Variants in PVT1 observed in about 807,000 individuals in gnomAD.
The protein encoded by PVT1 is Pvt1 oncogene.
chr8:127,877,959 C>T (rs147859070), intron 2 of PVT1, among the ~76,000 whole-genome samples: 58 of 152,094 alleles, frequency 3.8e-4, no homozygotes, highest in African/African-American at 1.4e-3. Context: ...CCACAAAAAA[C>T]CTTACTGAAC....
At chr8:127,823,293 C>T (rs1814753223) in intron 2 of PVT1, among the ~76,000 whole-genome samples, 1 of 152,170 alleles carries the variant, frequency 6.6e-6, no homozygotes, top group South Asian at 2.1e-4. Context: ...CAGCCAACTT[C>T]ATATGGATGC....
intron 2 of PVT1, among the ~76,000 whole-genome samples, chr8:127,888,131 G>A (rs186287970): frequency 1.3e-4 from 20 of 151,562 alleles, no homozygotes; most frequent in South Asian, 1.0e-3. Flanking sequence ...TAGTAGAGAC[G>A]GGGTTTCACC....
chr8:127,865,048 C>A (rs1815272099), intron 2 of PVT1, among the ~76,000 whole-genome samples: 1 of 152,190 alleles, frequency 6.6e-6, no homozygotes, highest in South Asian at 2.1e-4. Flanking sequence ...TGCTTGAACA[C>A]CAGTGTTCCA....
At chr8:127,894,966 G>T (rs1004449043) in intron 3 of PVT1, among the ~76,000 whole-genome samples, 2 of 152,118 alleles carry the variant, frequency 1.3e-5, no homozygotes, top group East Asian at 3.8e-4. Flanking sequence ...ATCCCAGAAC[G>T]ATAGCACTTT....
chr8:127,981,473 C>T lies in PVT1; in HGVS notation n.783-7689C>T, dbSNP rs571511609. ...GCACAAGTCACCCAAGTGATCAGAA[C>T]GCTTTTACGGAAAACAATGGCTTTG... On this transcript the variant is annotated intron_variant and non_coding_transcript_variant, in intron 3 of 10. Transcript: ENST00000651587. Among the ~76,000 whole-genome samples, 5 of 152,270 alleles carry T rather than the reference C, an allele frequency of 3.3e-5. No homozygotes were observed. The South Asian group carries it at 6.2e-4, about 19-fold the overall frequency.
At chr8:127,945,627 G>A (rs1374443499) in intron 3 of PVT1, among the ~76,000 whole-genome samples, 1 of 152,094 alleles carries the variant, frequency 6.6e-6, no homozygotes, top group African/African-American at 2.4e-5. Flanking sequence ...AGGACACGCT[G>A]GTCTGGTCCA....
At position 127,900,882 on chromosome 8, in the gene PVT1, A is replaced by G. The variant is rs186482753; in HGVS notation, n.782+9884A>G. On this transcript the variant is annotated intron_variant and non_coding_transcript_variant, in intron 3 of 10. Transcript: ENST00000651587. ...GCAGGAGTGGGTGGTGTTCACCACTATATACCTCTGCCAGTCAGCATGCCC... is the reference window on the plus strand; with the variant it reads ...GCAGGAGTGGGTGGTGTTCACCACTGTATACCTCTGCCAGTCAGCATGCCC... Among the ~76,000 whole-genome samples the G allele has an allele frequency of 5.9e-5, 9 of 152,298 alleles. No homozygotes were observed. In the East Asian group the frequency reaches 1.7e-3, roughly 29 times the overall value.
chr8:127,884,714 G>A (rs1815505089), intron 2 of PVT1, among the ~76,000 whole-genome samples: 1 of 152,220 alleles, frequency 6.6e-6, no homozygotes, highest in Non-Finnish European at 1.5e-5. Context: ...GTAATCAGGA[G>A]AGAAAAGAAA....
At chr8:127,800,382 T>C (rs1586384930) in intron 2 of PVT1, among the ~76,000 whole-genome samples, 1 of 152,112 alleles carries the variant, frequency 6.6e-6, no homozygotes, top group East Asian at 1.9e-4. Flanking sequence ...TGTCACACAG[T>C]AGTGGGGCAG....
At chr8:127,909,670 T>C (rs1195312649) in intron 3 of PVT1, among the ~76,000 whole-genome samples, 1 of 151,914 alleles carries the variant, frequency 6.6e-6, no homozygotes, top group Non-Finnish European at 1.5e-5. Flanking sequence ...TCATGGGAGG[T>C]TAGTGCTGTC....
At chr8:127,903,555 T>C (rs779567724) in intron 3 of PVT1, among the ~76,000 whole-genome samples, 9 of 152,242 alleles carry the variant, frequency 5.9e-5, no homozygotes, top group Non-Finnish European at 8.8e-5. Flanking sequence ...AGGATTTTTA[T>C]AGTTTGAAGT....
At chr8:127,901,582 TA>T (rs1815759663) in intron 3 of PVT1, among the ~76,000 whole-genome samples, 1 of 152,218 alleles carries the variant, frequency 6.6e-6, no homozygotes, top group Non-Finnish European at 1.5e-5. Context: ...TTCTTTTTTT[TA>T]TTTTTCTTTT....
chr8:128,095,769 T>C (rs1356614302), intron 5 of PVT1, among the ~76,000 whole-genome samples: 1 of 152,252 alleles, frequency 6.6e-6, no homozygotes, highest in Non-Finnish European at 1.5e-5. Flanking sequence ...TTCCCTTGTT[T>C]GTTAGCGTTG....
intron 2 of PVT1, among the ~76,000 whole-genome samples, chr8:127,855,719 C>T (rs552109580): frequency 3.9e-5 from 6 of 152,334 alleles, no homozygotes; most frequent in East Asian, 3.9e-4. Flanking sequence ...CTCAGGACAG[C>T]GTTTCTCTTG....
intron 2 of PVT1, among the ~76,000 whole-genome samples, chr8:127,841,407 G>A (rs1814972382): frequency 6.6e-6 from 1 of 152,000 alleles, no homozygotes; most frequent in Non-Finnish European, 1.5e-5. Context: ...TCAAGTAGCT[G>A]GGATTACAGG....
At chr8:127,800,470 C>A (rs902594029) in intron 2 of PVT1, among the ~76,000 whole-genome samples, 1 of 152,150 alleles carries the variant, frequency 6.6e-6, no homozygotes, top group African/African-American at 2.4e-5. Flanking sequence ...GTCTCCCCGG[C>A]CCCACTGTGT....
chr8:127,953,719 C>T (rs1298373634), intron 3 of PVT1, among the ~76,000 whole-genome samples: 1 of 152,182 alleles, frequency 6.6e-6, no homozygotes, highest in Non-Finnish European at 1.5e-5. Flanking sequence ...GGAAGACATT[C>T]CCTTCTCCCT....
At chr8:127,921,185 C>T (rs1362412047) in intron 3 of PVT1, among the ~76,000 whole-genome samples, 3 of 152,142 alleles carry the variant, frequency 2.0e-5, no homozygotes, top group East Asian at 1.9e-4. Context: ...GAACCACACA[C>T]GCTTACTGAC....
intron 2 of PVT1, among the ~76,000 whole-genome samples, chr8:127,821,456 CA>C (rs1366681621): frequency 3.3e-5 from 5 of 152,066 alleles, no homozygotes; most frequent in East Asian, 1.9e-4. Context: ...TTAAATAAAA[CA>C]TTAAAAATGA....
Sources: gnomAD v4.1 joint callset for allele counts (sites outside exome capture counted in the v4.1 genomes callset) on GRCh38, gnomAD v4.1.1 for gene constraint, MANE v1.5 for transcripts, NCBI Gene and HGNC (gene_info 2026-07-23, HGNC 2026-07-21) for gene names.